Variants in ACSBG2 observed in about 807,000 individuals in gnomAD.
ACSBG2 encodes long-chain-fatty-acid--CoA ligase ACSBG2.
In ACSBG2, 62 loss-of-function variants were observed where a neutral mutation model predicts 74.7. That is an observed-to-expected ratio of 0.83 (90% CI 0.68 to 1.03). ACSBG2 has a LOEUF of 1.03. Among genes scored for constraint, ACSBG2 ranks in the 50% least tolerant of loss-of-function variants. The pLI is 0.00. For synonymous variants in ACSBG2, 309 were observed against 294.1 expected, an observed-to-expected ratio of 1.05 and a Z score of -0.52; for missense variants, 730 against 817.6, an observed-to-expected ratio of 0.89 and a Z score of 1.31.
At chr19:6,151,856 C>G (rs1200737068) in intron 4 of ACSBG2, 61 bp downstream of exon 4, 4 of 1,495,264 alleles carry the variant, frequency 2.7e-6, no homozygotes, top group Non-Finnish European at 3.6e-6. Flanking sequence ...GGCCTGGGAC[C>G]CCTGGGCTTG....
At chr19:6,191,173 C>T (rs1407069100) in intron 14 of ACSBG2, 1 of 154,224 alleles carries the variant, frequency 6.5e-6, no homozygotes. Context: ...CGTTTATCCT[C>T]TCTTTTCCCC....
chr19:6,176,074 C>A (rs759072545), intron 7 of ACSBG2: 27 of 317,676 alleles, frequency 8.5e-5, no homozygotes, highest in Non-Finnish European at 1.4e-4. Flanking sequence ...AAGCTGCCTG[C>A]TAAATTTTGC....
chr19:6,139,262 T>C (rs1246004072), intron 1 of ACSBG2, among the ~76,000 whole-genome samples: 1 of 152,014 alleles, frequency 6.6e-6, no homozygotes, highest in Non-Finnish European at 1.5e-5. Context: ...TAATTTTTTT[T>C]GTATTTTTAA....
Position 6,141,496 on chromosome 19 carries a change from G to A in ACSBG2, c.-31-17G>A, listed in dbSNP as rs765298006. The A allele has an allele frequency of 4.1e-5, 54 of 1,327,622 alleles. No individual in the cohort carries two copies. Among genetic ancestry groups the A allele is most frequent in the Non-Finnish European group, 5.7e-5 (52 of 918,934 alleles). The allele number at this position is 1,327,622 out of a possible 1,614,324, so 82.2% of individuals were successfully genotyped here. A position where few individuals can be genotyped will look rare whatever the true frequency, so the allele number is the denominator to read the frequency against. ...CTTTGCCAATCCTGTTAAACTCCCT[G>A]CTTTTTTGCTTTGCAGTGCTGTGGA... is the stretch of plus-strand genomic sequence containing the variant. On this transcript the variant is annotated splice_polypyrimidine_tract_variant and intron_variant, in intron 1 of 14. Transcript: ENST00000588485.
intron 7 of ACSBG2, among the ~76,000 whole-genome samples, chr19:6,175,005 G>A (rs556378961): frequency 6.6e-6 from 1 of 152,340 alleles, no homozygotes; most frequent in African/African-American, 2.4e-5. Flanking sequence ...GGCTCAGACA[G>A]AGGAAATTAC....
Position 6,166,463 on chromosome 19 carries a change from G to A in ACSBG2, c.738+448G>A, listed in dbSNP as rs572269593. ...CAGGTAGCTGGGATTACAGGCACCC[G>A]CCACCATGCCTGGCTAATTTTTGTA... On this transcript the variant is annotated intron_variant, in intron 7 of 14. Transcript: ENST00000588485. 8.9e-4 allele frequency among the ~76,000 whole-genome samples: 136 copies of A among 151,998 alleles called. 1 individual carries two copies. Among genetic ancestry groups the A allele is most frequent in the African/African-American group, 3.2e-3 (131 of 41,448 alleles).
intron 2 of ACSBG2, among the ~76,000 whole-genome samples, chr19:6,143,798 A>G (rs1231599732): frequency 1.3e-5 from 2 of 152,078 alleles, no homozygotes; most frequent in Non-Finnish European, 2.9e-5. Context: ...AGCTCGGGAA[A>G]GTGGGGTTGA....
intron 2 of ACSBG2, among the ~76,000 whole-genome samples, chr19:6,142,305 T>C (rs917167237): frequency 5.9e-5 from 9 of 152,178 alleles, no homozygotes; most frequent in Non-Finnish European, 1.2e-4. Flanking sequence ...ATCATTTTAC[T>C]GTCAGAGCTA....
At chr19:6,191,182 C>T (rs113217615) in intron 14 of ACSBG2, 4,966 of 154,312 alleles carry the variant, frequency 0.032, 237 homozygotes, top group African/African-American at 0.11. Flanking sequence ...TCTCTTTTCC[C>T]CAAGACATGT....
chr19:6,149,359 G>A (rs995402770), intron 3 of ACSBG2, among the ~76,000 whole-genome samples: 10 of 152,078 alleles, frequency 6.6e-5, no homozygotes, highest in South Asian at 2.1e-4. Context: ...CCGTGATCCC[G>A]TATGACTAAA....
chr19:6,136,498 G>C (rs2088575347), intron 1 of ACSBG2, among the ~76,000 whole-genome samples: 1 of 151,954 alleles, frequency 6.6e-6, no homozygotes, highest in African/African-American at 2.4e-5. Flanking sequence ...AAAGTGCTGG[G>C]ATTATAGGCA....
chr19:6,145,023 C>T (rs1387385558), intron 2 of ACSBG2, among the ~76,000 whole-genome samples: 1 of 151,980 alleles, frequency 6.6e-6, no homozygotes, highest in Admixed American at 6.6e-5. Flanking sequence ...CATACATCTC[C>T]AGTCCTTGGG....
chr19:6,171,095 G>T (rs942290236), intron 7 of ACSBG2, among the ~76,000 whole-genome samples: 1 of 150,780 alleles, frequency 6.6e-6, no homozygotes, highest in African/African-American at 2.4e-5. Flanking sequence ...CCTTTACTTT[G>T]AGCCTCTGAG....
intron 8 of ACSBG2, 120 bp from the exon 9 acceptor site, chr19:6,182,631 C>T (rs1026489954): frequency 1.0e-6 from 1 of 964,142 alleles, no homozygotes; most frequent in East Asian, 2.6e-5. Flanking sequence ...GTTGGGAGTC[C>T]TGCGTAATCT....
chr19:6,181,221 C>CAAAAAAA (rs1157571006), intron 8 of ACSBG2, among the ~76,000 whole-genome samples: 1,328 of 29,150 alleles, frequency 0.046, 34 homozygotes, highest in African/African-American at 0.06. Flanking sequence ...GAGACTGTGT[C>CAAAAAAA]AAAAAAAAAA....
intron 2 of ACSBG2, among the ~76,000 whole-genome samples, chr19:6,146,224 C>T (rs2089025387): frequency 6.6e-6 from 1 of 151,982 alleles, no homozygotes; most frequent in Non-Finnish European, 1.5e-5. Flanking sequence ...AATCCCGGCA[C>T]TTTGGGAGGC....
chr19:6,185,187 A>G (rs1301885481), intron 10 of ACSBG2, among the ~76,000 whole-genome samples: 1 of 152,112 alleles, frequency 6.6e-6, no homozygotes, highest in African/African-American at 2.4e-5. Flanking sequence ...TCGGCTTTCC[A>G]AAGTGTTAAG....
intron 10 of ACSBG2, 117 bp downstream of exon 10, chr19:6,183,389 T>C (rs1280291211): frequency 1.2e-6 from 1 of 853,646 alleles, no homozygotes; most frequent in East Asian, 2.6e-5. Flanking sequence ...GTCTCCAGAA[T>C]GATCCTGTTC....
chr19:6,179,481 A>G (rs2090185009), intron 8 of ACSBG2, among the ~76,000 whole-genome samples: 1 of 151,758 alleles, frequency 6.6e-6, no homozygotes, highest in Non-Finnish European at 1.5e-5. Flanking sequence ...TTTTACAGTG[A>G]TTTTCTACAT....
Sources: allele counts gnomAD v4.1 joint callset (sites outside exome capture counted in the v4.1 genomes callset), GRCh38; gene constraint gnomAD v4.1.1; transcripts MANE v1.5; gene names NCBI Gene and HGNC (gene_info 2026-07-23, HGNC 2026-07-21).